The following PCDHAC2 variants were observed in gnomAD, a reference collection of about 807,000 sequenced individuals.
PCDHAC2 encodes the protein protocadherin alpha subfamily C, 2, also known as protocadherin alpha-C2.
A neutral mutation model predicts 63.3 loss-of-function variants in PCDHAC2; 24 were observed. That is an observed-to-expected ratio of 0.38 (90% CI 0.27 to 0.53). The LOEUF (loss-of-function observed/expected upper bound fraction) is 0.53. Among genes scored for constraint, PCDHAC2 ranks in the 20% least tolerant of loss-of-function variants. PCDHAC2 has a pLI of 0.81. For synonymous variants in PCDHAC2, 569 were observed against 529.4 expected (o/e 1.07, Z -1.03); for missense variants, 1,181 against 1,275.2 (o/e 0.93, Z 1.12).
At chr5:140,973,862 A>G (rs1438238778) in intron 1 of PCDHAC2, among the ~76,000 whole-genome samples, 2 of 152,196 alleles carry the variant, frequency 1.3e-5, no homozygotes, top group Non-Finnish European at 2.9e-5. Flanking sequence ...TTTGCTCTCA[A>G]TGAGAGGTCA....
intron 1 of PCDHAC2, among the ~76,000 whole-genome samples, chr5:140,971,989 T>C (rs1183313679): frequency 1.3e-5 from 2 of 152,170 alleles, no homozygotes; most frequent in African/African-American, 4.8e-5. Context: ...AGACAGAAGT[T>C]CCAATGTTTA....
At chr5:140,979,494 A>C (rs1284874558) in intron 2 of PCDHAC2, among the ~76,000 whole-genome samples, 6 of 152,010 alleles carry the variant, frequency 3.9e-5, no homozygotes, top group African/African-American at 1.2e-4. Flanking sequence ...CACCTATTAG[A>C]GCCTCCTCAT....
At chr5:141,008,352 A>C (rs549122044) in intron 3 of PCDHAC2, among the ~76,000 whole-genome samples, 2 of 152,322 alleles carry the variant, frequency 1.3e-5, no homozygotes, top group South Asian at 4.1e-4. Flanking sequence ...TTCACGTGTC[A>C]ACCAAAGGAG....
rs1218574888 is a variant in PCDHAC2 at position 140,967,425 on chromosome 5, C to A, written c.659C>A (p.Ala220Glu). Residue 220 changes from alanine (A) to glutamate (E), a missense_variant, in exon 1 of 4, where the codon GCA becomes GAA. Coordinates refer to ENST00000289269, the MANE Select transcript of PCDHAC2 (RefSeq NM_018899.6). The stretch of plus-strand genomic sequence containing the variant: ...CGTAAGGGCCTAGACCGGGAGCAGG[C>A]AGCCTTGCACCACCTGGTTCTCACA... The part of the protein sequence containing the change: ...VLRKGLDREQ[A>E]ALHHLVLTAV... 1.2e-6 allele frequency: 2 copies of A among 1,613,178 alleles called. No homozygotes were observed. Among genetic ancestry groups the A allele is most frequent in the Non-Finnish European group, 1.7e-6 (2 of 1,179,698 alleles).
At chr5:140,996,597 C>G (rs183031992) in intron 3 of PCDHAC2, among the ~76,000 whole-genome samples, 47 of 152,304 alleles carry the variant, frequency 3.1e-4, no homozygotes, top group African/African-American at 1.1e-3. Context: ...CGCCTCCCCC[C>G]ATTTTCATTT....
At chr5:140,973,398 C>G (rs2096585734) in intron 1 of PCDHAC2, among the ~76,000 whole-genome samples, 1 of 152,230 alleles carries the variant, frequency 6.6e-6, no homozygotes, top group East Asian at 1.9e-4. Flanking sequence ...GAAATCATAT[C>G]TATGAGCTTC....
At chr5:140,981,766 T>C (rs1321747581) in intron 2 of PCDHAC2, among the ~76,000 whole-genome samples, 7 of 152,144 alleles carry the variant, frequency 4.6e-5, no homozygotes, top group Non-Finnish European at 1.0e-4. Flanking sequence ...CATACATAAA[T>C]GAATACTGCA....
At chr5:141,006,007 T>C (rs1554260471) in intron 3 of PCDHAC2, among the ~76,000 whole-genome samples, 1 of 151,298 alleles carries the variant, frequency 6.6e-6, no homozygotes, top group African/African-American at 2.4e-5. Flanking sequence ...AGAAGGCCTG[T>C]ATGGTTGGAG....
Position 141,012,278 on chromosome 5 carries a change from G to T in PCDHAC2, c.*2341G>T, listed in dbSNP as rs545417237. ...CTGTAAGGATAAAACACGTCATGTG[G>T]ATTCATTTTGAATTGGTGCTATTGG... On this transcript the variant is annotated 3_prime_UTR_variant, in exon 4 of 4. Coordinates refer to ENST00000289269, the MANE Select transcript of PCDHAC2 (RefSeq NM_018899.6). The T allele has an allele frequency of 6.5e-6, 1 of 153,848 alleles. No individual in the cohort carries two copies. The highest frequency in any genetic ancestry group is 2.1e-4 in the South Asian group (1 of 4,826). The allele number at this position is 153,848 out of a possible 1,614,324, so 9.5% of individuals were successfully genotyped here.
chr5:140,969,354 T>G, intron 1 of PCDHAC2, 23 bp downstream of exon 1: 1 of 1,612,552 alleles, frequency 6.2e-7, no homozygotes. Context: ...TCAGGGGGTC[T>G]TCTACAAACT....
chr5:140,968,614 A>G lies in PCDHAC2; in HGVS notation c.1848A>G (p.Gln616=). The change falls in exon 1 of 4, where the codon CAA becomes CAG. Residue 616 remains glutamine (Q), a synonymous_variant. Transcript: ENST00000289269. ...TAGCTATGGACTCAGACTCTGGGCA[A>G]AATGCTTGGCTTTTTTACCATCTAG... ...KVIAMDSDSG[Q]NAWLFYHLAQ... The G allele has an allele frequency of 3.1e-6, 5 of 1,614,142 alleles. No homozygotes were observed. Among genetic ancestry groups the G allele is most frequent in the Non-Finnish European group, 4.2e-6 (5 of 1,180,028 alleles).
chr5:140,971,000 T>G (rs1409787417), intron 1 of PCDHAC2, among the ~76,000 whole-genome samples: 2 of 152,196 alleles, frequency 1.3e-5, no homozygotes, highest in African/African-American at 4.8e-5. Flanking sequence ...ATCAAAGAGT[T>G]TCCAGAAGTC....
chr5:140,997,380 C>T (rs1554255860), intron 3 of PCDHAC2, among the ~76,000 whole-genome samples: 1 of 152,112 alleles, frequency 6.6e-6, no homozygotes. Flanking sequence ...ATATAGCATA[C>T]TACACACTTA....
intron 3 of PCDHAC2, among the ~76,000 whole-genome samples, chr5:140,999,809 CAA>C (rs1350603380): frequency 1.3e-5 from 2 of 152,160 alleles, no homozygotes; most frequent in African/African-American, 2.4e-5. Flanking sequence ...GGGCACAAAG[CAA>C]GAGCTGTGGC....
intron 3 of PCDHAC2, among the ~76,000 whole-genome samples, chr5:140,992,394 G>A (rs1338899804): frequency 2.0e-5 from 3 of 152,170 alleles, no homozygotes; most frequent in African/African-American, 7.2e-5. Flanking sequence ...TCTGGACTTA[G>A]AGATATTGTT....
chr5:140,997,087 T>C (rs1218654416), intron 3 of PCDHAC2, among the ~76,000 whole-genome samples: 4 of 152,156 alleles, frequency 2.6e-5, no homozygotes, highest in Non-Finnish European at 5.9e-5. Flanking sequence ...GAGTAGAAAG[T>C]GCAGAGTTCT....
intron 3 of PCDHAC2, among the ~76,000 whole-genome samples, chr5:140,995,010 T>A (rs1382186138): frequency 6.6e-6 from 1 of 152,156 alleles, no homozygotes; most frequent in Non-Finnish European, 1.5e-5. Context: ...TTGTTTATAT[T>A]TAGGAAAGAA....
At position 140,968,508 on chromosome 5, in the gene PCDHAC2, A is replaced by T; in HGVS notation, c.1742A>T (p.Tyr581Phe). 6.2e-7 allele frequency: 1 copy of T among 1,614,068 alleles called. No homozygotes were observed. The change falls in exon 1 of 4, where the codon TAC becomes TTC. Residue 581 changes from tyrosine (Y) to phenylalanine (F), a missense_variant. Physicochemically the swap from Tyr to Phe is conservative, Grantham distance 22. Around this residue, in one of 3 missense-constraint regions of PCDHAC2, gnomAD observed 968 missense variants for 1,073.5 expected, o/e 0.90. Coordinates refer to ENST00000289269, the MANE Select transcript of PCDHAC2 (RefSeq NM_018899.6). The stretch of plus-strand genomic sequence containing the variant: ...AATGACCATGCCCCTCACATTCTGT[A>T]CCCTACCTCAACCAACTCGTCAGCA... Reference protein sequence around the residue: ...DMNDHAPHILYPTSTNSSAAF... With the variant: ...DMNDHAPHILFPTSTNSSAAF...
chr5:140,982,795 ATG>A (rs60616196), intron 3 of PCDHAC2, among the ~76,000 whole-genome samples: 18 of 151,504 alleles, frequency 1.2e-4, no homozygotes, highest in African/African-American at 3.2e-4. Flanking sequence ...GCATGTGTGC[ATG>A]TGTGTGTGTG....
Sources: gnomAD v4.1 joint callset for allele counts (sites outside exome capture counted in the v4.1 genomes callset) on GRCh38, gnomAD v4.1.1 for gene constraint, gnomAD v4.1.1 regional missense constraint, MANE v1.5 for transcripts, NCBI Gene and HGNC (gene_info 2026-07-23, HGNC 2026-07-21) for gene names.